Variants in NTM observed in about 807,000 individuals in gnomAD.
The protein encoded by NTM is neurotrimin.
In NTM, 13 loss-of-function variants were observed where a neutral mutation model predicts 42.1. That is an observed-to-expected ratio of 0.31 (90% CI 0.20 to 0.49). The LOEUF is 0.49. Ranked by LOEUF, NTM falls within the 20% of genes least tolerant of loss-of-function variation. The pLI, the probability that NTM is intolerant of heterozygous loss-of-function variation, is 0.99. For missense variants in NTM, 373 were observed against 452.8 expected (o/e 0.82, Z 1.60); for synonymous variants, 187 against 179.2 (o/e 1.04, Z -0.35).
At chr11:131,408,551 G>T (rs537883239) in intron 1 of NTM, among the ~76,000 whole-genome samples, 2 of 152,252 alleles carry the variant, frequency 1.3e-5, no homozygotes, top group South Asian at 2.1e-4. Flanking sequence ...AAAAAGAATT[G>T]CCACTTTTGA....
chr11:132,330,398 C>A (rs2095780445), intron 8 of NTM, among the ~76,000 whole-genome samples: 1 of 152,162 alleles, frequency 6.6e-6, no homozygotes, highest in South Asian at 2.1e-4. Context: ...CTTGCAGTAG[C>A]CTAACTTCTC....
intron 4 of NTM, among the ~76,000 whole-genome samples, chr11:132,305,362 C>T (rs1395649476): frequency 6.6e-6 from 1 of 152,224 alleles, no homozygotes; most frequent in Non-Finnish European, 1.5e-5. Context: ...CTATCAGTCC[C>T]TGCTCCGACC....
chr11:132,309,200 T>G (rs1487239678), intron 5 of NTM, among the ~76,000 whole-genome samples: 1 of 152,210 alleles, frequency 6.6e-6, no homozygotes, highest in Non-Finnish European at 1.5e-5. Context: ...GTGGCTGTTT[T>G]TCATAATACC....
chr11:132,138,699 CA>C (rs1463401979), intron 2 of NTM, among the ~76,000 whole-genome samples: 1 of 152,030 alleles, frequency 6.6e-6, no homozygotes, highest in Non-Finnish European at 1.5e-5. Context: ...AGGCCTGAGA[CA>C]AAGGAGCTGA....
chr11:132,317,712 T>C, intron 7 of NTM: 1 of 1,297,620 alleles, frequency 7.7e-7, no homozygotes, highest in Non-Finnish European at 1.0e-6. Context: ...CCTTGCTTTA[T>C]GTTTTGTCTC....
At chr11:132,234,704 G>T (rs1488095547) in intron 4 of NTM, among the ~76,000 whole-genome samples, 2 of 152,186 alleles carry the variant, frequency 1.3e-5, no homozygotes, top group African/African-American at 4.8e-5. Flanking sequence ...TTGTCATAGA[G>T]ATTTCTTTTC....
chr11:131,924,973 G>T (rs781125839), intron 2 of NTM, among the ~76,000 whole-genome samples: 1 of 152,212 alleles, frequency 6.6e-6, no homozygotes, highest in Non-Finnish European at 1.5e-5. Flanking sequence ...GTGTCTGAAA[G>T]TGAGAACCAT....
chr11:131,823,375 T>C (rs1242212364), intron 1 of NTM, among the ~76,000 whole-genome samples: 1 of 152,180 alleles, frequency 6.6e-6, no homozygotes, highest in African/African-American at 2.4e-5. Flanking sequence ...GCCGATGCAG[T>C]AGGTAAGCAC....
intron 1 of NTM, among the ~76,000 whole-genome samples, chr11:131,543,178 A>C (rs2053508141): frequency 6.6e-6 from 1 of 152,204 alleles, no homozygotes; most frequent in Non-Finnish European, 1.5e-5. Context: ...TCCTCTCTAC[A>C]TCAAGACCAT....
chr11:131,524,106 C>A (rs1048419723), intron 1 of NTM, among the ~76,000 whole-genome samples: 1 of 152,162 alleles, frequency 6.6e-6, no homozygotes, highest in Admixed American at 6.5e-5. Flanking sequence ...GCTTGGTGAT[C>A]CTCCCACTCC....
chr11:131,910,887 A>T, intron 1 of NTM: 1 of 985,366 alleles, frequency 1.0e-6, no homozygotes, highest in Non-Finnish European at 1.2e-6. Flanking sequence ...CCGGGCCCGG[A>T]TCGCACGAAG....
chr11:132,316,502 T>C (rs971005294), intron 7 of NTM, among the ~76,000 whole-genome samples: 1 of 152,236 alleles, frequency 6.6e-6, no homozygotes, highest in African/African-American at 2.4e-5. Context: ...TAGTAGTATG[T>C]ATTCAAATAT....
chr11:132,247,360 G>A (rs890941035), intron 4 of NTM, among the ~76,000 whole-genome samples: 24 of 152,120 alleles, frequency 1.6e-4, no homozygotes, highest in African/African-American at 1.9e-4. Context: ...TCACAAAACC[G>A]GCTTAGGCCT....
At chr11:132,025,601 A>G (rs1369424495) in intron 2 of NTM, among the ~76,000 whole-genome samples, 3 of 152,116 alleles carry the variant, frequency 2.0e-5, no homozygotes, top group African/African-American at 4.8e-5. Context: ...ACTGTCCTAG[A>G]CCGGCAGTTC....
At chr11:131,650,614 C>A (rs1447622365) in intron 1 of NTM, among the ~76,000 whole-genome samples, 1 of 152,168 alleles carries the variant, frequency 6.6e-6, no homozygotes, top group Non-Finnish European at 1.5e-5. Flanking sequence ...ACAGAAAGTT[C>A]TCAATAAACA....
intron 2 of NTM, among the ~76,000 whole-genome samples, chr11:132,101,982 C>G (rs931897093): frequency 6.6e-6 from 1 of 152,214 alleles, no homozygotes; most frequent in Non-Finnish European, 1.5e-5. Context: ...CCATTTCCCA[C>G]CATTCCTACA....
At chr11:131,441,103 G>A (rs77359811) in intron 1 of NTM, among the ~76,000 whole-genome samples, 1 of 152,056 alleles carries the variant, frequency 6.6e-6, no homozygotes, top group South Asian at 2.1e-4. Flanking sequence ...AGTTAATCCA[G>A]TTCTTCAGGC....
chr11:132,063,881 C>T (rs943798160), intron 2 of NTM, among the ~76,000 whole-genome samples: 17 of 152,174 alleles, frequency 1.1e-4, no homozygotes, highest in African/African-American at 4.1e-4. Context: ...CCATCTTCAC[C>T]CTCTCTAAGC....
intron 1 of NTM, among the ~76,000 whole-genome samples, chr11:131,583,415 G>A (rs752476657): frequency 6.6e-6 from 1 of 152,116 alleles, no homozygotes; most frequent in African/African-American, 2.4e-5. Context: ...AAAATATTAA[G>A]AGAAAATGTC....
Sources: allele counts gnomAD v4.1 joint callset (sites outside exome capture counted in the v4.1 genomes callset), GRCh38; gene constraint gnomAD v4.1.1; transcripts MANE v1.5; gene names NCBI Gene and HGNC (gene_info 2026-07-23, HGNC 2026-07-21).